SHISA9: variants seen among roughly 807,000 people sequenced by gnomAD.
SHISA9 encodes protein shisa-9.
A neutral mutation model predicts 38.0 loss-of-function variants in SHISA9; 13 were observed. That is an observed-to-expected ratio of 0.34 (90% CI 0.22 to 0.54). The LOEUF (loss-of-function observed/expected upper bound fraction) is 0.54. SHISA9 is among the 20% of genes least tolerant of loss of function. The pLI is 0.91. For missense variants in SHISA9, 538 were observed against 575.8 expected (o/e 0.93, Z 0.67); for synonymous variants, 275 against 242.0 (o/e 1.14, Z -1.27).
At chr16:13,222,562 G>A (rs1034184622) in intron 4 of SHISA9, among the ~76,000 whole-genome samples, 2 of 152,080 alleles carry the variant, frequency 1.3e-5, no homozygotes, top group Non-Finnish European at 2.9e-5. Flanking sequence ...GGCCAAATGT[G>A]GCTTCCAGGA....
At chr16:13,092,097 C>T (rs1052284599) in intron 2 of SHISA9, among the ~76,000 whole-genome samples, 3 of 152,228 alleles carry the variant, frequency 2.0e-5, no homozygotes, top group Non-Finnish European at 4.4e-5. Flanking sequence ...TGGAATTCCA[C>T]TCCAGACCCT....
Position 13,238,508 on chromosome 16 carries a change from A to G in SHISA9, c.*3099A>G, listed in dbSNP as rs2051406555. ...ATTAAGAGTCTTTCTTGGCCTCTAA[A>G]TCTGTAGTATTGTATTCCTTCTGCA... is the stretch of plus-strand genomic sequence containing the variant. On this transcript the variant is annotated 3_prime_UTR_variant, in exon 5 of 5. Transcript: ENST00000558583. 6.6e-6 allele frequency: 1 copy of G among 152,032 alleles called. No homozygotes were observed. The highest frequency in any genetic ancestry group is 6.6e-5 in the Admixed American group (1 of 15,252). The allele number at this position is 152,032 out of a possible 1,614,324, so 9.4% of individuals were successfully genotyped here. A position where few individuals can be genotyped will look rare whatever the true frequency, so the allele number is the denominator to read the frequency against.
chr16:13,163,532 A>G (rs1401193082), intron 2 of SHISA9, among the ~76,000 whole-genome samples: 1 of 151,732 alleles, frequency 6.6e-6, no homozygotes, highest in African/African-American at 2.4e-5. Context: ...GATTGTTTTT[A>G]TTATTTTCTT....
chr16:13,290,564 C>G, the SHISA9 span, among the ~76,000 whole-genome samples: 1 of 152,106 alleles, frequency 6.6e-6, no homozygotes, highest in Admixed American at 6.6e-5. Context: ...AATCTGAGCC[C>G]TGAATCCAAC....
At chr16:13,430,119 A>T in the SHISA9 span, among the ~76,000 whole-genome samples, 2 of 152,222 alleles carry the variant, frequency 1.3e-5, no homozygotes, top group Non-Finnish European at 2.9e-5. Flanking sequence ...GAAAGAACTC[A>T]GAAAAAAATA....
chr16:13,322,512 T>G, the SHISA9 span, among the ~76,000 whole-genome samples: 1 of 152,320 alleles, frequency 6.6e-6, no homozygotes, highest in East Asian at 1.9e-4. Context: ...TCTGTTTTCT[T>G]CTCTTTTGCA....
At chr16:13,115,507 G>A (rs1445056301) in intron 2 of SHISA9, among the ~76,000 whole-genome samples, 1 of 152,208 alleles carries the variant, frequency 6.6e-6, no homozygotes, top group Admixed American at 6.5e-5. Flanking sequence ...ATGCCTTTAA[G>A]CGGTTTTCTG....
At chr16:13,296,075 A>G in the SHISA9 span, among the ~76,000 whole-genome samples, 46 of 152,232 alleles carry the variant, frequency 3.0e-4, no homozygotes, top group East Asian at 6.0e-3. Flanking sequence ...GTTAATCTCA[A>G]TTGTCACTCT....
chr16:13,367,710 GCGCACACACACACACACACACA>G, the SHISA9 span, among the ~76,000 whole-genome samples: 1,546 of 90,568 alleles, frequency 0.017, 15 homozygotes, highest in Middle Eastern at 0.059. Flanking sequence ...GCGCGCGCGC[GCGCACACACACACACACACACA>G]CACACACACA....
chr16:13,396,073 G>A, the SHISA9 span, among the ~76,000 whole-genome samples: 4 of 152,172 alleles, frequency 2.6e-5, no homozygotes, highest in Admixed American at 6.5e-5. Flanking sequence ...ATCAAGAGAG[G>A]GGGAAGATGT....
intron 2 of SHISA9, among the ~76,000 whole-genome samples, chr16:12,984,737 C>G (rs1311232614): frequency 6.6e-6 from 1 of 152,138 alleles, no homozygotes; most frequent in Non-Finnish European, 1.5e-5. Flanking sequence ...GCCTCTGATT[C>G]CTTTGGCATC....
At chr16:13,367,712 G>GCGCGCACACACA in the SHISA9 span, among the ~76,000 whole-genome samples, 54 of 104,686 alleles carry the variant, frequency 5.2e-4, 1 homozygote, top group South Asian at 6.5e-3. Flanking sequence ...GCGCGCGCGC[G>GCGCGCACACACA]CACACACACA....
At chr16:13,438,014 C>T in the SHISA9 span, among the ~76,000 whole-genome samples, 40 of 149,758 alleles carry the variant, frequency 2.7e-4, no homozygotes, top group South Asian at 2.0e-3. Flanking sequence ...TACAGGCATC[C>T]GCCACCAGGC....
the SHISA9 span, among the ~76,000 whole-genome samples, chr16:13,297,826 G>A: frequency 6.6e-6 from 1 of 151,902 alleles, no homozygotes; most frequent in Non-Finnish European, 1.5e-5. Context: ...GCACAATCTC[G>A]GCTCACTGCA....
the SHISA9 span, among the ~76,000 whole-genome samples, chr16:13,366,205 A>ATT: frequency 1.3e-5 from 2 of 152,346 alleles, no homozygotes; most frequent in Non-Finnish European, 2.9e-5. Context: ...GGCTTGTATC[A>ATT]TTTAAAAAGA....
chr16:13,127,958 AT>A (rs1336927610), intron 2 of SHISA9, among the ~76,000 whole-genome samples: 1 of 152,152 alleles, frequency 6.6e-6, no homozygotes, highest in Non-Finnish European at 1.5e-5. Context: ...CGATTGTTCA[AT>A]TCTTTTATTA....
chr16:13,467,047 A>T, the SHISA9 span, among the ~76,000 whole-genome samples: 1 of 152,232 alleles, frequency 6.6e-6, no homozygotes, highest in Non-Finnish European at 1.5e-5. Flanking sequence ...AAAGAGATGC[A>T]TATGGCTGCC....
intron 2 of SHISA9, among the ~76,000 whole-genome samples, chr16:13,116,001 A>C (rs1006490463): frequency 1.3e-5 from 2 of 152,166 alleles, no homozygotes; most frequent in Non-Finnish European, 2.9e-5. Flanking sequence ...CGACTCTGGG[A>C]TCTCTAAGAC....
intron 2 of SHISA9, among the ~76,000 whole-genome samples, chr16:13,173,155 A>ACG (rs574507183): frequency 2.8e-5 from 3 of 108,896 alleles, no homozygotes; most frequent in East Asian, 2.1e-4. Flanking sequence ...GCACGTGCGC[A>ACG]CACACACACA....
Sources: gnomAD v4.1 joint callset for allele counts (sites outside exome capture counted in the v4.1 genomes callset) on GRCh38, gnomAD v4.1.1 for gene constraint, MANE v1.5 for transcripts, NCBI Gene and HGNC (gene_info 2026-07-23, HGNC 2026-07-21) for gene names.